HARBI1: variants seen among roughly 807,000 people sequenced by gnomAD.
HARBI1 encodes putative nuclease HARBI1.
Under a neutral mutation model 25.3 loss-of-function variants are expected in HARBI1, and 15 were observed. That is an observed-to-expected ratio of 0.59 (90% confidence interval 0.40 to 0.91). HARBI1 has a LOEUF of 0.91. Ranked by LOEUF, HARBI1 falls within the 40% of genes least tolerant of loss-of-function variation. HARBI1 has a pLI of 0.00. For synonymous variants in HARBI1, 168 were observed against 160.5 expected (o/e 1.05, Z -0.35); for missense variants, 396 against 445.8 (o/e 0.89, Z 1.01).
At chr11:46,613,473 T>G (rs148818947) in intron 2 of HARBI1, among the ~76,000 whole-genome samples, 1 of 150,736 alleles carries the variant, frequency 6.6e-6, no homozygotes, top group Non-Finnish European at 1.5e-5. Context: ...CTGATAAGTA[T>G]GTTGGCTTTT....
intron 2 of HARBI1, among the ~76,000 whole-genome samples, chr11:46,609,367 G>A (rs2045085647): frequency 6.7e-6 from 1 of 149,634 alleles, no homozygotes; most frequent in African/African-American, 2.5e-5. Context: ...TTTTTTTTAA[G>A]ATGGAGTCTC....
intron 2 of HARBI1, among the ~76,000 whole-genome samples, chr11:46,606,617 C>T (rs528503527): frequency 1.3e-5 from 2 of 152,164 alleles, no homozygotes; most frequent in South Asian, 4.1e-4. Flanking sequence ...CCTGGCCTAA[C>T]TTTATTTTCA....
intron 2 of HARBI1, among the ~76,000 whole-genome samples, chr11:46,605,079 G>C (rs940171167): frequency 1.4e-4 from 21 of 152,144 alleles, no homozygotes; most frequent in African/African-American, 4.8e-4. Flanking sequence ...AAATTTGAGA[G>C]ACAAATAGGC....
chr11:46,610,171 T>G (rs1276313720), intron 2 of HARBI1, among the ~76,000 whole-genome samples: 1 of 151,390 alleles, frequency 6.6e-6, no homozygotes, highest in Non-Finnish European at 1.5e-5. Flanking sequence ...TAAAACAAAA[T>G]TAGCCAGGCA....
At position 46,615,852 on chromosome 11, in the gene HARBI1, T is replaced by C. The variant is rs756846129; in HGVS notation, c.386A>G (p.Gln129Arg). 6.2e-7 allele frequency: 1 copy of C among 1,614,214 alleles called. No homozygotes were observed. ...CCCATAGAATTCATCCTTCAGAGCC[T>C]GAATGGAGGCTTCATCAGCTGGAAA... Reference protein sequence around the residue: ...IRFPADEASIQALKDEFYGLA... With the variant: ...IRFPADEASIRALKDEFYGLA... The change falls in exon 2 of 3, where the codon CAG (glutamine) becomes CGG (arginine). Residue 129 changes from glutamine to arginine, a missense_variant. Transcript: ENST00000326737.
chr11:46,607,734 T>C (rs1297844031), intron 2 of HARBI1, among the ~76,000 whole-genome samples: 3 of 152,020 alleles, frequency 2.0e-5, no homozygotes, highest in Non-Finnish European at 4.4e-5. Context: ...CACAAGACAT[T>C]TTGGCAGATC....
At position 46,603,927 on chromosome 11, in the gene HARBI1, A is replaced by T; in HGVS notation, c.671-18T>A. ...ACTGTCACCTGTGGGGAAGGCCCAA[A>T]TAAATCATAAATGACTATAAGTGGA... On this transcript the variant is annotated intron_variant, in intron 2 of 2. Transcript: ENST00000326737. The T allele has an allele frequency of 6.3e-7, 1 of 1,584,970 alleles. No homozygotes were observed. Among genetic ancestry groups the T allele is most frequent in the African/African-American group, 1.3e-5 (1 of 74,134 alleles).
chr11:46,616,965 G>T, intron 1 of HARBI1, 159 bp downstream of exon 1: 1 of 985,100 alleles, frequency 1.0e-6, no homozygotes, highest in Non-Finnish European at 1.2e-6. Flanking sequence ...TGAGGGCCAG[G>T]AAGTACGGAA....
rs1370351888 is a variant in HARBI1 at position 46,615,956 on chromosome 11, T to G, written c.282A>C (p.Gly94=). Residue 94 remains glycine (G), a synonymous_variant, in exon 2 of 3, where the codon GGA becomes GGC. Transcript: ENST00000326737. The stretch of plus-strand genomic sequence containing the variant: ...AACGACTCATAGACGCCTGACTGAT[T>G]CCAATGGCATCTCCCATCCGAGTCT... The part of the protein sequence containing the change: ...SFQTRMGDAI[G]ISQASMSRCV... 1 of 1,614,140 alleles carries G rather than the reference T, an allele frequency of 6.2e-7. No individual in the cohort carries two copies. The highest frequency in any genetic ancestry group is 8.5e-7 in the Non-Finnish European group (1 of 1,180,032).
intron 2 of HARBI1, among the ~76,000 whole-genome samples, chr11:46,610,798 CAA>C (rs2045150257): frequency 6.6e-6 from 1 of 152,012 alleles, no homozygotes; most frequent in African/African-American, 2.4e-5. Context: ...TTACTATAAA[CAA>C]TGTAAAAAAC....
At position 46,615,665 on chromosome 11, in the gene HARBI1, T is replaced by G. The variant is rs1343495396; in HGVS notation, c.573A>C (p.Thr191=). The G allele has an allele frequency of 6.2e-7, 1 of 1,614,194 alleles. No homozygotes were observed. Among genetic ancestry groups the G allele is most frequent in the Admixed American group, 1.7e-5 (1 of 60,012 alleles). ...DIRGTLMTVE[T]NWPGSLQDCA... The stretch of plus-strand genomic sequence containing the variant: ...AGTCCTGTAGGCTGCCGGGCCAGTT[T>G]GTCTCCACGGTCATTAGTGTCCCTC... The change falls in exon 2 of 3, where the codon ACA becomes ACC. Residue 191 remains threonine (T), a synonymous_variant. Coordinates refer to ENST00000326737, the MANE Select transcript of HARBI1 (RefSeq NM_173811.4).
At chr11:46,616,759 C>A in intron 1 of HARBI1, 1 of 970,412 alleles carries the variant, frequency 1.0e-6, no homozygotes, top group Non-Finnish European at 1.2e-6. Context: ...TATCCAAAGA[C>A]TTCTGGTTTC....
At chr11:46,606,643 AC>A (rs2044965128) in intron 2 of HARBI1, among the ~76,000 whole-genome samples, 1 of 151,456 alleles carries the variant, frequency 6.6e-6, no homozygotes, top group Admixed American at 6.6e-5. Flanking sequence ...TATTTACTTT[AC>A]TTTAGTTTTG....
At chr11:46,608,916 AT>A (rs1194134511) in intron 2 of HARBI1, among the ~76,000 whole-genome samples, 29 of 136,286 alleles carry the variant, frequency 2.1e-4, no homozygotes, top group Non-Finnish European at 3.0e-4. Flanking sequence ...CACCTGACAA[AT>A]TTTTTTTTTC....
At position 46,614,510 on chromosome 11, in the gene HARBI1, A is replaced by C. The variant is rs557768551; in HGVS notation, c.670+1058T>G. ...CAGAGCTTTGGGAGGCTCAGATGGGAGGATAGCTTGAGGCCAGGAGCTCAA... is the reference window on the plus strand; with the variant it reads ...CAGAGCTTTGGGAGGCTCAGATGGGCGGATAGCTTGAGGCCAGGAGCTCAA... On this transcript the variant is annotated intron_variant, in intron 2 of 2. Transcript: ENST00000326737. Among the ~76,000 whole-genome samples, 13 of 152,214 alleles carry C rather than the reference A, an allele frequency of 8.5e-5. No individual in the cohort carries two copies. The South Asian group carries it at 2.1e-3, about 24-fold the overall frequency.
chr11:46,611,896 G>A (rs916295910), intron 2 of HARBI1, among the ~76,000 whole-genome samples: 9 of 152,138 alleles, frequency 5.9e-5, no homozygotes, highest in Admixed American at 5.9e-4. Context: ...GGCAAAAGGT[G>A]TGTTTAAGAT....
At chr11:46,612,813 G>A (rs1415557501) in intron 2 of HARBI1, among the ~76,000 whole-genome samples, 2 of 150,530 alleles carry the variant, frequency 1.3e-5, no homozygotes, top group Non-Finnish European at 2.9e-5. Context: ...TGAGATTATA[G>A]GTGCCTGCCA....
At chr11:46,613,456 G>T (rs1388121789) in intron 2 of HARBI1, among the ~76,000 whole-genome samples, 1 of 150,310 alleles carries the variant, frequency 6.7e-6, no homozygotes, top group African/African-American at 2.5e-5. Context: ...AACAATTCTG[G>T]ACAGTCCTGA....
upstream of HARBI1, chr11:46,617,550 C>G (rs554450226): frequency 4.6e-5 from 13 of 279,850 alleles, 2 homozygotes; most frequent in South Asian, 1.8e-4. Flanking sequence ...ACCCCCCCCC[C>G]CCGGCCATTA....
Sources: gnomAD v4.1 joint callset for allele counts (sites outside exome capture counted in the v4.1 genomes callset) on GRCh38, gnomAD v4.1.1 for gene constraint, MANE v1.5 for transcripts, NCBI Gene and HGNC (gene_info 2026-07-23, HGNC 2026-07-21) for gene names.